The following SNX29 variants were observed in gnomAD, a reference collection of about 807,000 sequenced individuals.
The protein encoded by SNX29 is sorting nexin-29.
In SNX29, 78 loss-of-function variants were observed where a neutral mutation model predicts 102.1. The ratio of observed to expected loss-of-function variants is 0.76; its 90% CI spans 0.64 to 0.92. The LOEUF is 0.92. SNX29 is among the 40% of genes least tolerant of loss of function. The pLI is 0.00. For synonymous variants in SNX29, 580 were observed against 414.5 expected, an observed-to-expected ratio of 1.40 and a Z score of -4.85; for missense variants, 1,280 against 1,061.7, an observed-to-expected ratio of 1.21 and a Z score of -2.86.
chr16:12,518,961 A>T (rs995100152), intron 19 of SNX29, among the ~76,000 whole-genome samples: 1 of 152,170 alleles, frequency 6.6e-6, no homozygotes, highest in Non-Finnish European at 1.5e-5. Flanking sequence ...TCGGCTGGTC[A>T]TACTGCCTGT....
rs966894425 is a variant in SNX29, at chr16:12,008,831, T to A, written c.122+5788T>A. Among the ~76,000 whole-genome samples, 4 of 150,146 alleles carry A rather than the reference T, an allele frequency of 2.7e-5. No individual in the cohort carries two copies. In the East Asian group the frequency reaches 8.0e-4, roughly 30 times the overall value. ...ATCTCAGTTCACTGCAACCTCCACCTCCCGGGTTCAAGCGATTCTCTTGAC... is the reference window on the plus strand; with the variant it reads ...ATCTCAGTTCACTGCAACCTCCACCACCCGGGTTCAAGCGATTCTCTTGAC... On this transcript the variant is annotated intron_variant, in intron 3 of 20. Coordinates refer to ENST00000566228, the MANE Select transcript of SNX29 (RefSeq NM_032167.5).
At chr16:12,318,967 T>C (rs1262510605) in intron 15 of SNX29, among the ~76,000 whole-genome samples, 2 of 152,154 alleles carry the variant, frequency 1.3e-5, no homozygotes, top group African/African-American at 4.8e-5. Flanking sequence ...TTATCTTGTC[T>C]CCTGCTAAAT....
At chr16:12,432,245 T>C (rs1367025735) in intron 18 of SNX29, among the ~76,000 whole-genome samples, 3 of 152,246 alleles carry the variant, frequency 2.0e-5, no homozygotes, top group Admixed American at 1.3e-4. Flanking sequence ...ATTTACGCAT[T>C]CGCCAATTAC....
rs148053597 is a variant in SNX29 at position 12,187,725 on chromosome 16, A to C, written c.1596-11876A>C. ...TATTTGGGTTGCCAGACTTGTGTTT[A>C]TGTACCTCTTCATGCAGTGGTACTG... is the stretch of plus-strand genomic sequence containing the variant. On this transcript the variant is annotated intron_variant, in intron 13 of 20. Coordinates refer to ENST00000566228, the MANE Select transcript of SNX29 (RefSeq NM_032167.5). 3.9e-3 allele frequency among the ~76,000 whole-genome samples: 554 copies of C among 142,718 alleles called. 3 individuals are homozygous for C. The highest frequency in any genetic ancestry group is 0.029 in the South Asian group (120 of 4,200). 93.6% of individuals were successfully genotyped at this position (142,718 alleles called of 152,430 possible). A position where few individuals can be genotyped will look rare whatever the true frequency, so the allele number is the denominator to read the frequency against.
In SNX29 at chr16:12,477,701, T is replaced by G; in HGVS notation, c.2038-18T>G. 6.2e-7 allele frequency: 1 copy of G among 1,604,624 alleles called. No homozygotes were observed. Among genetic ancestry groups the G allele is most frequent in the Non-Finnish European group, 8.5e-7 (1 of 1,177,698 alleles). The stretch of plus-strand genomic sequence containing the variant: ...AATAAGGGTTTAAGAGGAATTCACA[T>G]TTTCTCTTTCTTGACAGGTCTACAT... On this transcript the variant is annotated intron_variant, in intron 18 of 20. Coordinates refer to ENST00000566228, the MANE Select transcript of SNX29 (RefSeq NM_032167.5).
At chr16:12,102,800 ATT>A (rs2053078063) in intron 11 of SNX29, among the ~76,000 whole-genome samples, 1 of 152,234 alleles carries the variant, frequency 6.6e-6, no homozygotes, top group South Asian at 2.1e-4. Flanking sequence ...ATGATTGTAT[ATT>A]TAGAAAACCC....
chr16:12,004,716 C>A (rs75941637), intron 3 of SNX29, among the ~76,000 whole-genome samples: 1,641 of 152,276 alleles, frequency 0.011, 34 homozygotes, highest in African/African-American at 0.037. Flanking sequence ...AGAATTTTAA[C>A]AGCCATGAGA....
In SNX29 at chr16:12,048,411, A is replaced by G. The variant is rs1398380347; in HGVS notation, c.539A>G (p.Lys180Arg). Reference sequence around the variant, plus strand: ...CTCTTTGCGATTAACATCGACAACAAGGATTTGAACGGGCAGAGTAAGTTT... The same window carrying G: ...CTCTTTGCGATTAACATCGACAACAGGGATTTGAACGGGCAGAGTAAGTTT... Reference protein sequence around the residue: ...SILFAINIDNKDLNGQSKFAP... With the variant: ...SILFAINIDNRDLNGQSKFAP... Residue 180 changes from lysine to arginine, a missense_variant, in exon 7 of 21, where the codon AAG (lysine) becomes AGG (arginine). Lys to Arg is a conservative substitution (Grantham distance 26). Coordinates refer to ENST00000566228, the MANE Select transcript of SNX29 (RefSeq NM_032167.5). The G allele has an allele frequency of 6.2e-7, 1 of 1,613,774 alleles. No individual in the cohort carries two copies.
intron 14 of SNX29, among the ~76,000 whole-genome samples, chr16:12,265,859 C>T (rs1297796672): frequency 6.6e-6 from 1 of 152,104 alleles, no homozygotes; most frequent in Admixed American, 6.5e-5. Flanking sequence ...CATTGCACTC[C>T]AGTCAGGGTG....
chr16:12,223,231 T>C (rs536663236), intron 14 of SNX29, among the ~76,000 whole-genome samples: 5 of 152,240 alleles, frequency 3.3e-5, no homozygotes, highest in African/African-American at 1.2e-4. Context: ...AAATCGAGAT[T>C]ATACTAGTAT....
intron 1 of SNX29, among the ~76,000 whole-genome samples, chr16:11,981,967 G>C (rs1054917883): frequency 6.6e-6 from 1 of 151,998 alleles, no homozygotes; most frequent in Non-Finnish European, 1.5e-5. Context: ...CCCTTTGGGA[G>C]GCCCAGTTGG....
intron 14 of SNX29, among the ~76,000 whole-genome samples, chr16:12,263,677 C>T (rs930441635): frequency 5.9e-5 from 9 of 152,124 alleles, no homozygotes; most frequent in South Asian, 2.1e-4. Flanking sequence ...AAAGAGAAAA[C>T]ATTATAAAGC....
chr16:12,465,549 T>C (rs554968618), intron 18 of SNX29, among the ~76,000 whole-genome samples: 2 of 152,352 alleles, frequency 1.3e-5, no homozygotes, highest in African/African-American at 4.8e-5. Context: ...CTGGGCTTTG[T>C]TCTGTTCTCA....
chr16:12,349,282 C>G (rs1263630944), intron 15 of SNX29, among the ~76,000 whole-genome samples: 3 of 152,230 alleles, frequency 2.0e-5, no homozygotes, highest in Non-Finnish European at 2.9e-5. Context: ...CACTGTCACT[C>G]CCTGGACCCA....
Position 12,398,507 on chromosome 16 carries a change from T to A in SNX29, c.1955+6T>A. The A allele has an allele frequency of 6.2e-7, 1 of 1,613,940 alleles. No individual in the cohort carries two copies. Among genetic ancestry groups the A allele is most frequent in the Non-Finnish European group, 8.5e-7 (1 of 1,179,860 alleles). On this transcript the variant is annotated splice_donor_region_variant and intron_variant, in intron 17 of 20. Transcript: ENST00000566228. ...AGTTTGTCGGATTTTGAAATGTAAGTCCACAGCCTGTGCTCACAAGGGGTC... is the reference window on the plus strand; with the variant it reads ...AGTTTGTCGGATTTTGAAATGTAAGACCACAGCCTGTGCTCACAAGGGGTC...
intron 13 of SNX29, among the ~76,000 whole-genome samples, chr16:12,174,313 C>T (rs577368890): frequency 6.6e-6 from 1 of 152,306 alleles, no homozygotes; most frequent in African/African-American, 2.4e-5. Context: ...TGAAACTCAT[C>T]AAGAGAGCAG....
intron 18 of SNX29, among the ~76,000 whole-genome samples, chr16:12,475,649 A>G (rs2087557712): frequency 6.6e-6 from 1 of 152,254 alleles, no homozygotes; most frequent in Non-Finnish European, 1.5e-5. Context: ...GTTAGGCACA[A>G]TCATCTAACA....
chr16:12,411,043 A>G (rs1253011693), intron 18 of SNX29, among the ~76,000 whole-genome samples: 1 of 152,222 alleles, frequency 6.6e-6, no homozygotes. Flanking sequence ...GAAAGATGAA[A>G]TGGTTGGACC....
intron 14 of SNX29, among the ~76,000 whole-genome samples, chr16:12,248,200 A>G (rs148908910): frequency 1.6e-3 from 246 of 152,158 alleles, no homozygotes; most frequent in African/African-American, 5.5e-3. Flanking sequence ...CTGGAACACA[A>G]TCATATCCTG....
Sources: allele counts gnomAD v4.1 joint callset (sites outside exome capture counted in the v4.1 genomes callset), GRCh38; gene constraint gnomAD v4.1.1; transcripts MANE v1.5; gene names NCBI Gene and HGNC (gene_info 2026-07-23, HGNC 2026-07-21).